N4BP2: variants seen among roughly 807,000 people sequenced by gnomAD.
N4BP2 encodes the protein NEDD4 binding protein 2.
In N4BP2, 91 loss-of-function variants were observed where a neutral mutation model predicts 152.8. The observed-to-expected ratio is 0.60, with a 90% CI of 0.50 to 0.71. The LOEUF (loss-of-function observed/expected upper bound fraction) is 0.71, where lower values mean the gene tolerates loss of function less well. Ranked by LOEUF, N4BP2 falls within the 30% of genes least tolerant of loss-of-function variation. N4BP2 has a pLI of 0.00. For missense variants in N4BP2, 1,923 were observed against 2,059.1 expected, an observed-to-expected ratio of 0.93 and a Z score of 1.28; for synonymous variants, 646 against 705.3, an observed-to-expected ratio of 0.92 and a Z score of 1.33.
At chr4:40,147,611 C>T (rs950331922) in intron 16 of N4BP2, among the ~76,000 whole-genome samples, 9 of 149,508 alleles carry the variant, frequency 6.0e-5, no homozygotes, top group African/African-American at 1.5e-4. Context: ...CCCTCCCGGA[C>T]GGGGCGGCTG....
intron 14 of N4BP2, among the ~76,000 whole-genome samples, chr4:40,141,831 A>G (rs1579127867): frequency 6.6e-6 from 1 of 152,230 alleles, no homozygotes; most frequent in African/African-American, 2.4e-5. Context: ...TCCATCTGCA[A>G]TCCCGGCACC....
chr4:40,059,179 C>T (rs767900570), intron 1 of N4BP2, among the ~76,000 whole-genome samples: 2 of 152,054 alleles, frequency 1.3e-5, no homozygotes, highest in Admixed American at 6.6e-5. Context: ...CATGATTAGC[C>T]ATGATTATGC....
At chr4:40,104,160 G>A (rs1716006251) in intron 4 of N4BP2, among the ~76,000 whole-genome samples, 1 of 151,840 alleles carries the variant, frequency 6.6e-6, no homozygotes, top group African/African-American at 2.4e-5. Context: ...CACCGTGTTA[G>A]CCAGGATGGT....
the N4BP2 span, among the ~76,000 whole-genome samples, chr4:40,179,813 G>A: frequency 0.11 from 15,805 of 139,402 alleles, 1,464 homozygotes; most frequent in East Asian, 0.52. Context: ...TGCCCAGGCT[G>A]GAGTGCAGTG....
At chr4:40,176,008 T>C in the N4BP2 span, among the ~76,000 whole-genome samples, 1 of 147,354 alleles carries the variant, frequency 6.8e-6, no homozygotes, top group Admixed American at 7.0e-5. Context: ...GAGAATGGCG[T>C]GAACCCGGGA....
chr4:40,168,198 T>C, the N4BP2 span, among the ~76,000 whole-genome samples: 2 of 152,020 alleles, frequency 1.3e-5, no homozygotes, highest in Admixed American at 1.3e-4. Context: ...ATAGTAAATA[T>C]AAGCAAGAGA....
Position 40,121,173 on chromosome 4 carries a change from A to T in N4BP2, c.3062A>T (p.Asp1021Val). Residue 1021 changes from aspartate to valine, a missense_variant, in exon 9 of 18, where the codon GAT becomes GTT. Transcript: ENST00000261435. ...ATGTGCACCCAGACTGAACCACAGG[A>T]TTTTGCTCTTTTATGGAAAATAGAA... is the stretch of plus-strand genomic sequence containing the variant. Reference protein sequence around the residue: ...VGMCTQTEPQDFALLWKIEKN... With the variant: ...VGMCTQTEPQVFALLWKIEKN... The T allele has an allele frequency of 6.2e-7, 1 of 1,614,168 alleles. No homozygotes were observed. Among genetic ancestry groups the T allele is most frequent in the Non-Finnish European group, 8.5e-7 (1 of 1,180,044 alleles).
chr4:40,069,160 G>A (rs180714412), intron 1 of N4BP2, among the ~76,000 whole-genome samples: 5 of 151,690 alleles, frequency 3.3e-5, no homozygotes, highest in Non-Finnish European at 7.4e-5. Context: ...ATTCCCAGCC[G>A]GGCACAGTGA....
At chr4:40,108,869 T>G (rs990131859) in intron 5 of N4BP2, among the ~76,000 whole-genome samples, 12 of 149,872 alleles carry the variant, frequency 8.0e-5, no homozygotes, top group African/African-American at 2.5e-4. Flanking sequence ...CAGGCTGGAG[T>G]GCGGTGGCGT....
At chr4:40,075,237 TAAGC>T in intron 2 of N4BP2, among the ~76,000 whole-genome samples, 1 of 152,100 alleles carries the variant, frequency 6.6e-6, no homozygotes, top group Non-Finnish European at 1.5e-5. Context: ...GACTCTAAAT[TAAGC>T]AAGACTAGTA....
chr4:40,060,801 C>T (rs774768819), intron 1 of N4BP2, among the ~76,000 whole-genome samples: 6 of 151,794 alleles, frequency 4.0e-5, no homozygotes, highest in South Asian at 2.1e-4. Flanking sequence ...GACAGGGTCT[C>T]GCTGTGTTGC....
rs984128151 is a variant in N4BP2 at position 40,157,458 on chromosome 4, T to C, written c.*3221T>C. On this transcript the variant is annotated 3_prime_UTR_variant, in exon 18 of 18. Transcript: ENST00000261435. Reference sequence around the variant, plus strand: ...TCTTTTTGAATTCAAGTGTTTTGTATGCTTAGAAAGTAGACATGTATAATA... The same window carrying C: ...TCTTTTTGAATTCAAGTGTTTTGTACGCTTAGAAAGTAGACATGTATAATA... 6.6e-6 allele frequency: 1 copy of C among 152,154 alleles called. No individual in the cohort carries two copies. The highest frequency in any genetic ancestry group is 1.5e-5 in the Non-Finnish European group (1 of 68,000). The allele number at this position is 152,154 out of a possible 1,614,324, so 9.4% of individuals were successfully genotyped here.
intron 16 of N4BP2, among the ~76,000 whole-genome samples, chr4:40,148,075 G>C: frequency 6.6e-6 from 1 of 152,320 alleles, no homozygotes. Context: ...TGCAATCTCC[G>C]GCACTTTGGG....
rs1418531198 is a variant in N4BP2 at position 40,117,782 on chromosome 4, A to G, written c.1665-87A>G. 3.6e-6 allele frequency: 4 copies of G among 1,121,484 alleles called. No individual in the cohort carries two copies. The Admixed American group carries it at 7.9e-5, about 22-fold the overall frequency. 69.5% of individuals were successfully genotyped at this position (1,121,484 alleles called of 1,614,324 possible). On this transcript the variant is annotated intron_variant, in intron 7 of 17. Coordinates refer to ENST00000261435, the MANE Select transcript of N4BP2 (RefSeq NM_018177.6). Reference sequence around the variant, plus strand: ...TGATATTCGTATCTATTAGAAATATATTATTGTTTTCCTAGACATATGTTC... The same window carrying G: ...TGATATTCGTATCTATTAGAAATATGTTATTGTTTTCCTAGACATATGTTC...
At chr4:40,090,135 C>G (rs1714386959) in intron 2 of N4BP2, among the ~76,000 whole-genome samples, 1 of 152,148 alleles carries the variant, frequency 6.6e-6, no homozygotes, top group African/African-American at 2.4e-5. Context: ...AATCTGTTAT[C>G]AGGTCTGTAT....
intron 11 of N4BP2, among the ~76,000 whole-genome samples, chr4:40,125,751 G>A (rs1387377555): frequency 6.6e-6 from 1 of 152,128 alleles, no homozygotes; most frequent in Non-Finnish European, 1.5e-5. Context: ...GCCAGGCATG[G>A]TGGCGGGCGC....
At chr4:40,089,122 T>C (rs1714283206) in intron 2 of N4BP2, among the ~76,000 whole-genome samples, 1 of 151,906 alleles carries the variant, frequency 6.6e-6, no homozygotes, top group Non-Finnish European at 1.5e-5. Context: ...GGCTGATTGT[T>C]TTCTATTTTT....
intron 14 of N4BP2, among the ~76,000 whole-genome samples, chr4:40,137,876 TA>T (rs1719549570): frequency 6.6e-6 from 1 of 152,236 alleles, no homozygotes; most frequent in Admixed American, 6.5e-5. Context: ...GGTTGTCTGA[TA>T]CTCGGGGGCA....
At chr4:40,143,099 G>A (rs897646328) in intron 15 of N4BP2, among the ~76,000 whole-genome samples, 2 of 152,052 alleles carry the variant, frequency 1.3e-5, no homozygotes, top group Non-Finnish European at 2.9e-5. Context: ...CTGCTTATGT[G>A]AATTACAGTT....
Sources: allele counts gnomAD v4.1 joint callset (sites outside exome capture counted in the v4.1 genomes callset), GRCh38; gene constraint gnomAD v4.1.1; transcripts MANE v1.5; gene names NCBI Gene and HGNC (gene_info 2026-07-23, HGNC 2026-07-21).